Variants in PTPN13 observed in about 807,000 individuals in gnomAD.
PTPN13 encodes the protein protein tyrosine phosphatase non-receptor type 13, also known as tyrosine-protein phosphatase non-receptor type 13.
Under a neutral mutation model 284.0 loss-of-function variants are expected in PTPN13, and 191 were observed. The ratio of observed to expected loss-of-function variants is 0.67; its 90% confidence interval spans 0.60 to 0.76. The LOEUF (loss-of-function observed/expected upper bound fraction) is 0.76, where lower values mean the gene tolerates loss of function less well. Among genes scored for constraint, PTPN13 ranks in the 30% least tolerant of loss-of-function variants. PTPN13 has a pLI of 0.00. For missense variants in PTPN13, 2,797 were observed against 2,939.9 expected, an observed-to-expected ratio of 0.95 and a Z score of 1.12; for synonymous variants, 986 against 1,022.3, an observed-to-expected ratio of 0.96 and a Z score of 0.68.
chr4:86,636,512 G>T (rs1723038935), intron 2 of PTPN13, among the ~76,000 whole-genome samples: 1 of 152,170 alleles, frequency 6.6e-6, no homozygotes, highest in Non-Finnish European at 1.5e-5. Context: ...AAGCCTGACA[G>T]AAATAAGTAA....
chr4:86,786,158 C>A (rs1037617305), intron 40 of PTPN13, among the ~76,000 whole-genome samples: 48 of 150,886 alleles, frequency 3.2e-4, no homozygotes, highest in African/African-American at 1.1e-3. Flanking sequence ...GAAAAAAAAA[C>A]AATTAGTTTT....
At chr4:86,666,757 A>T (rs1044163640) in intron 2 of PTPN13, among the ~76,000 whole-genome samples, 1 of 152,166 alleles carries the variant, frequency 6.6e-6, no homozygotes, top group Non-Finnish European at 1.5e-5. Flanking sequence ...ACCAGGTGTG[A>T]TGTTTACATA....
At chr4:86,772,385 C>A (rs867797900) in intron 31 of PTPN13, among the ~76,000 whole-genome samples, 4 of 152,090 alleles carry the variant, frequency 2.6e-5, no homozygotes, top group Non-Finnish European at 5.9e-5. Context: ...AAAATCCCAT[C>A]TCTACTAAAA....
At chr4:86,719,636 G>A (rs1315056755) in intron 9 of PTPN13, among the ~76,000 whole-genome samples, 1 of 152,130 alleles carries the variant, frequency 6.6e-6, no homozygotes, top group African/African-American at 2.4e-5. Context: ...GTCAGCATCT[G>A]TAATTTTTTT....
chr4:86,648,809 A>G (rs956977562), intron 2 of PTPN13, among the ~76,000 whole-genome samples: 1 of 152,086 alleles, frequency 6.6e-6, no homozygotes, highest in Non-Finnish European at 1.5e-5. Flanking sequence ...CCTCCATACT[A>G]TTCTCCATAG....
chr4:86,782,523 C>T (rs987730915), intron 37 of PTPN13, among the ~76,000 whole-genome samples: 5 of 152,044 alleles, frequency 3.3e-5, no homozygotes, highest in South Asian at 2.1e-4. Context: ...AACTTTAGTG[C>T]GGAGATTTTT....
chr4:86,773,053 A>AG, intron 32 of PTPN13, 95 bp downstream of exon 32: 1 of 907,946 alleles, frequency 1.1e-6, no homozygotes, highest in Non-Finnish European at 1.6e-6. Context: ...CTATCTTTAA[A>AG]ATAGCTTCAT....
intron 9 of PTPN13, among the ~76,000 whole-genome samples, chr4:86,719,969 C>T (rs532638119): frequency 6.6e-6 from 1 of 152,158 alleles, no homozygotes; most frequent in South Asian, 2.1e-4. Flanking sequence ...GGATGAACAA[C>T]AAAAGTAAGC....
chr4:86,705,197 G>T (rs577589212), intron 7 of PTPN13, among the ~76,000 whole-genome samples: 1 of 152,096 alleles, frequency 6.6e-6, no homozygotes, highest in South Asian at 2.1e-4. Context: ...AGCCTGGTGT[G>T]GTGGTACATG....
intron 1 of PTPN13, among the ~76,000 whole-genome samples, chr4:86,633,258 T>C (rs1273778072): frequency 6.6e-6 from 1 of 152,168 alleles, no homozygotes; most frequent in Non-Finnish European, 1.5e-5. Flanking sequence ...GCCCCTCTCT[T>C]ACCCTGAGCA....
Position 86,770,206 on chromosome 4 carries a change from CTT to C in PTPN13, c.4803+8_4803+9del. Reference sequence around the variant, plus strand: ...AATTGATACTGCGCTTTTGGTGAGACTTATGAAAAGTAATTTACAGTTTTATA... The same window carrying C: ...AATTGATACTGCGCTTTTGGTGAGACATGAAAAGTAATTTACAGTTTTATA... On this transcript the variant is annotated splice_region_variant and intron_variant, in intron 30 of 47. Coordinates refer to ENST00000411767, the MANE Select transcript of PTPN13 (RefSeq NM_080683.3). 1 of 1,607,004 alleles carries C rather than the reference CTT, an allele frequency of 6.2e-7. No homozygotes were observed. The highest frequency in any genetic ancestry group is 8.5e-7 in the Non-Finnish European group (1 of 1,174,382).
intron 1 of PTPN13, among the ~76,000 whole-genome samples, chr4:86,632,788 A>C (rs1722604575): frequency 6.6e-6 from 1 of 151,440 alleles, no homozygotes; most frequent in Admixed American, 6.6e-5. Flanking sequence ...CTTCACATAC[A>C]ATAAAACTTA....
At chr4:86,699,367 C>T (rs1231125234) in intron 6 of PTPN13, among the ~76,000 whole-genome samples, 2 of 151,300 alleles carry the variant, frequency 1.3e-5, no homozygotes, top group Admixed American at 6.6e-5. Context: ...GCCTGGGAGA[C>T]GGAGCGAGAC....
chr4:86,783,080 T>G (rs1741506564), intron 37 of PTPN13, among the ~76,000 whole-genome samples: 1 of 152,208 alleles, frequency 6.6e-6, no homozygotes. Flanking sequence ...AAAGTCTTAT[T>G]ATGTCAACAT....
In PTPN13 at chr4:86,775,182, A is replaced by C. The variant is rs1460478818; in HGVS notation, c.5520A>C (p.Thr1840=). 1 of 1,598,440 alleles carries C rather than the reference A, an allele frequency of 6.3e-7. No individual in the cohort carries two copies. Residue 1840 remains threonine (T), a synonymous_variant, in exon 34 of 48, where the codon ACA becomes ACC. Transcript: ENST00000411767. ...TCTTGTTTTTGTAGGTTAATGATAC[A>C]GATGTTACTAATATGACTCATACAG... ...PGDRLIKVND[T]DVTNMTHTDA... is the part of the protein sequence containing the mutation.
chr4:86,725,091 G>A (rs1049887002), intron 10 of PTPN13, among the ~76,000 whole-genome samples: 1 of 151,452 alleles, frequency 6.6e-6, no homozygotes, highest in African/African-American at 2.4e-5. Context: ...CCTTGTGATA[G>A]TTTGCTTAGA....
chr4:86,695,351 A>T (rs1312845007), intron 6 of PTPN13, among the ~76,000 whole-genome samples: 3 of 151,996 alleles, frequency 2.0e-5, no homozygotes, highest in African/African-American at 7.2e-5. Context: ...ATGTCCCCAT[A>T]CTGTACTTTT....
At chr4:86,733,909 G>A (rs910525357) in intron 12 of PTPN13, among the ~76,000 whole-genome samples, 19 of 152,286 alleles carry the variant, frequency 1.2e-4, no homozygotes, top group Middle Eastern at 3.4e-3. Context: ...CGTGTACTGT[G>A]TGCTTTAACA....
At chr4:86,752,271 T>A (rs528034463) in intron 19 of PTPN13, among the ~76,000 whole-genome samples, 11 of 152,316 alleles carry the variant, frequency 7.2e-5, no homozygotes, top group South Asian at 2.1e-4. Flanking sequence ...AAGCTTTTTT[T>A]ATTCTATAAT....
Sources: gnomAD v4.1 joint callset for allele counts (sites outside exome capture counted in the v4.1 genomes callset) on GRCh38, gnomAD v4.1.1 for gene constraint, MANE v1.5 for transcripts, NCBI Gene and HGNC (gene_info 2026-07-23, HGNC 2026-07-21) for gene names.